The following GKAP1 variants were observed in gnomAD, a reference collection of about 807,000 sequenced individuals.
GKAP1 encodes the protein G kinase-anchoring protein 1.
A neutral mutation model predicts 56.7 loss-of-function variants in GKAP1; 31 were observed. The observed-to-expected ratio is 0.55, with a 90% CI of 0.41 to 0.74. GKAP1 has a LOEUF of 0.74. Ranked by LOEUF, GKAP1 falls within the 30% of genes least tolerant of loss-of-function variation. GKAP1 has a pLI of 0.00. For missense variants in GKAP1, 364 were observed against 402.3 expected (o/e 0.90, Z 0.82); for synonymous variants, 151 against 138.6 (o/e 1.09, Z -0.63).
chr9:83,765,542 G>C (rs1219177863), intron 8 of GKAP1, among the ~76,000 whole-genome samples: 1 of 152,200 alleles, frequency 6.6e-6, no homozygotes, highest in Non-Finnish European at 1.5e-5. Flanking sequence ...GACACTCAAT[G>C]CCAGCCGTGA....
chr9:83,752,795 G>C (rs1479123194), intron 9 of GKAP1, among the ~76,000 whole-genome samples: 1 of 152,084 alleles, frequency 6.6e-6, no homozygotes, highest in African/African-American at 2.4e-5. Flanking sequence ...ATACAACCAG[G>C]CACGGTGGCT....
At chr9:83,777,731 A>C (rs1439592298) in intron 7 of GKAP1, among the ~76,000 whole-genome samples, 2 of 152,204 alleles carry the variant, frequency 1.3e-5, no homozygotes, top group Non-Finnish European at 2.9e-5. Flanking sequence ...CCTTGGCCTA[A>C]GTAATATATT....
intron 8 of GKAP1, among the ~76,000 whole-genome samples, chr9:83,764,734 A>T (rs775955055): frequency 2.6e-5 from 4 of 152,218 alleles, no homozygotes; most frequent in Non-Finnish European, 5.9e-5. Context: ...TGGAAAGGTC[A>T]TTCTTGCTAT....
chr9:83,774,569 G>A (rs1943819802), intron 7 of GKAP1, among the ~76,000 whole-genome samples: 1 of 151,374 alleles, frequency 6.6e-6, no homozygotes, highest in Non-Finnish European at 1.5e-5. Context: ...ACTCCAGCCT[G>A]GGTGACAGAG....
intron 7 of GKAP1, among the ~76,000 whole-genome samples, chr9:83,772,481 T>C (rs1943779371): frequency 6.6e-6 from 1 of 152,176 alleles, no homozygotes. Flanking sequence ...TCATCATGAC[T>C]TGTGTTAGGC....
chr9:83,760,027 C>T (rs1943542825), intron 8 of GKAP1, among the ~76,000 whole-genome samples: 1 of 152,168 alleles, frequency 6.6e-6, no homozygotes, highest in Non-Finnish European at 1.5e-5. Flanking sequence ...TACCTCCATA[C>T]TTTTACTCAA....
chr9:83,776,114 A>G (rs1003270024), intron 7 of GKAP1, among the ~76,000 whole-genome samples: 4 of 151,628 alleles, frequency 2.6e-5, no homozygotes, highest in African/African-American at 9.7e-5. Flanking sequence ...TATGAGGTCA[A>G]CTCTCCCCCT....
intron 3 of GKAP1, among the ~76,000 whole-genome samples, chr9:83,801,482 T>C (rs901250878): frequency 6.6e-6 from 1 of 152,126 alleles, no homozygotes; most frequent in Non-Finnish European, 1.5e-5. Context: ...AATATTAGGT[T>C]GGTGCAAAGT....
chr9:83,792,444 T>G (rs1944176115), intron 4 of GKAP1, among the ~76,000 whole-genome samples: 1 of 152,322 alleles, frequency 6.6e-6, no homozygotes, highest in South Asian at 2.1e-4. Flanking sequence ...TGTGTCTGAC[T>G]AAGCCATTGT....
In GKAP1 at chr9:83,806,481, C is replaced by A. The variant is rs1170782130; in HGVS notation, c.37G>T (p.Ala13Ser). 2 of 1,613,886 alleles carry A rather than the reference C, an allele frequency of 1.2e-6. No individual in the cohort carries two copies. The highest frequency in any genetic ancestry group is 2.7e-5 in the African/African-American group (2 of 74,900). ...SAVLSSVPTT[A>S]SRFALLQVDS... Reference sequence around the variant, plus strand: ...ACTTGTAACAGGGCAAAACGAGAAGCGGTGGTGGGAACAGAACTAAGTACT... The same window carrying A: ...ACTTGTAACAGGGCAAAACGAGAAGAGGTGGTGGGAACAGAACTAAGTACT... Residue 13 changes from alanine to serine, a missense_variant, in exon 3 of 13, where the codon GCT (alanine) becomes TCT (serine). Physicochemically the swap from Ala to Ser is moderately conservative, Grantham distance 99 (BLOSUM62 1). Coordinates refer to ENST00000376371, the MANE Select transcript of GKAP1 (RefSeq NM_025211.4).
intron 2 of GKAP1, among the ~76,000 whole-genome samples, chr9:83,807,622 G>C (rs988634527): frequency 6.6e-6 from 1 of 152,188 alleles, no homozygotes; most frequent in Non-Finnish European, 1.5e-5. Flanking sequence ...ACCAGCCAGA[G>C]ATAACAAGTA....
intron 9 of GKAP1, among the ~76,000 whole-genome samples, chr9:83,751,714 C>T (rs893006013): frequency 6.9e-6 from 1 of 145,256 alleles, no homozygotes; most frequent in African/African-American, 2.6e-5. Context: ...TCATATTAGT[C>T]AAAAAGGAAT....
chr9:83,764,059 A>G (rs551751179), intron 8 of GKAP1, among the ~76,000 whole-genome samples: 5 of 152,202 alleles, frequency 3.3e-5, no homozygotes, highest in African/African-American at 1.2e-4. Context: ...AGGTGGCTTT[A>G]AAAAAGATAC....
chr9:83,781,690 A>T (rs1943974540), intron 6 of GKAP1, among the ~76,000 whole-genome samples: 1 of 152,224 alleles, frequency 6.6e-6, no homozygotes, highest in African/African-American at 2.4e-5. Context: ...AACTGTGTTA[A>T]TCATGACTTG....
chr9:83,782,932 AGTGCTAGGATTACAGGC>A (rs1445299563), intron 6 of GKAP1, among the ~76,000 whole-genome samples: 2 of 151,952 alleles, frequency 1.3e-5, no homozygotes, highest in African/African-American at 2.4e-5. Context: ...GTCCCCGCAA[AGTGCTAGGATTACAGGC>A]GTGAGCCACC....
At chr9:83,813,295 C>T (rs1944537201) in intron 2 of GKAP1, among the ~76,000 whole-genome samples, 1 of 152,198 alleles carries the variant, frequency 6.6e-6, no homozygotes, top group Admixed American at 6.5e-5. Flanking sequence ...ATACAATGGA[C>T]TGCCAATTAA....
intron 8 of GKAP1, among the ~76,000 whole-genome samples, chr9:83,754,596 A>G (rs1444396714): frequency 6.6e-6 from 1 of 152,232 alleles, no homozygotes; most frequent in Non-Finnish European, 1.5e-5. Context: ...TAGAAAGAAC[A>G]GTATGTTTGA....
intron 3 of GKAP1, 122 bp downstream of exon 3, chr9:83,806,180 A>G (rs911974211): frequency 5.8e-5 from 37 of 633,350 alleles, no homozygotes; most frequent in Non-Finnish European, 1.1e-5. Context: ...CATTCATTGA[A>G]GTAATATTTT....
chr9:83,797,337 A>AC (rs1944264383), intron 4 of GKAP1, among the ~76,000 whole-genome samples: 1 of 152,038 alleles, frequency 6.6e-6, no homozygotes, highest in South Asian at 2.1e-4. Context: ...CAGGAAGAAC[A>AC]CCCCCTACAT....
Sources: allele counts gnomAD v4.1 joint callset (sites outside exome capture counted in the v4.1 genomes callset), GRCh38; gene constraint gnomAD v4.1.1; transcripts MANE v1.5; gene names NCBI Gene and HGNC (gene_info 2026-07-23, HGNC 2026-07-21).